The following CRB1 variants were observed in gnomAD, a reference collection of about 807,000 sequenced individuals.
CRB1 encodes the protein protein crumbs homolog 1.
CRB1 carries 83 observed loss-of-function variants against 120.0 expected under a neutral mutation model. The ratio of observed to expected loss-of-function variants is 0.69; its 90% confidence interval spans 0.58 to 0.83. CRB1 has a LOEUF of 0.83. Among genes scored for constraint, CRB1 ranks in the 40% least tolerant of loss-of-function variants. The pLI is 0.00. For missense variants in CRB1, 1,699 were observed against 1,687.6 expected (o/e 1.01, Z -0.12); for synonymous variants, 625 against 612.5 (o/e 1.02, Z -0.30).
rs1198989948 is a variant in CRB1, at chr1:197,328,799, G to A, written c.448G>A (p.Asp150Asn). ...TGGAAGATTCTGTGAGATAGATCAC[G>A]ATGAGTGTGCTTCCAGCCCTTGCCA... ...YAGRFCEIDH[D>N]ECASSPCQNG... The change falls in exon 2 of 12, where the codon GAT becomes AAT. Residue 150 changes from aspartate (D) to asparagine (N), a missense_variant. Coordinates refer to ENST00000367400, the MANE Select transcript of CRB1 (RefSeq NM_201253.3). 9.3e-6 allele frequency: 15 copies of A among 1,613,798 alleles called. No individual in the cohort carries two copies. Among genetic ancestry groups the A allele is most frequent in the African/African-American group, 4.0e-5 (3 of 74,930 alleles).
At chr1:197,255,494 A>T in the CRB1 span, among the ~76,000 whole-genome samples, 1 of 152,060 alleles carries the variant, frequency 6.6e-6, no homozygotes, top group Non-Finnish European at 1.5e-5. Flanking sequence ...AGCCATGGAA[A>T]ATATTTATCA....
At position 197,412,445 on chromosome 1, in the gene CRB1, C is replaced by T. The variant is rs192386949; in HGVS notation, c.1172-8555C>T. 4.6e-5 allele frequency among the ~76,000 whole-genome samples: 7 copies of T among 152,250 alleles called. No individual in the cohort carries two copies. In the East Asian group the frequency reaches 1.4e-3, roughly 29 times the overall value. ...GCTAATTTACCCAAGTTCTCATAGC[C>T]TAGTATCAAAGCTCCGATTAATATA... On this transcript the variant is annotated intron_variant, in intron 5 of 11. Transcript: ENST00000367400.
intron 11 of CRB1, among the ~76,000 whole-genome samples, chr1:197,458,814 C>T (rs956284863): frequency 6.6e-6 from 1 of 152,058 alleles, no homozygotes; most frequent in Non-Finnish European, 1.5e-5. Context: ...TATAATCTAG[C>T]TGTCAAGAAA....
intron 5 of CRB1, among the ~76,000 whole-genome samples, chr1:197,367,700 C>A (rs1189423734): frequency 1.3e-5 from 2 of 152,190 alleles, no homozygotes; most frequent in Admixed American, 6.5e-5. Context: ...CTTTCCCTCA[C>A]CAACTCCAAT....
At chr1:197,332,231 G>C (rs1558059892) in intron 2 of CRB1, among the ~76,000 whole-genome samples, 1 of 151,916 alleles carries the variant, frequency 6.6e-6, no homozygotes, top group Non-Finnish European at 1.5e-5. Context: ...TCCATCATAA[G>C]GCACTTCACC....
chr1:197,356,864 A>G lies in CRB1; in HGVS notation c.1022A>G (p.Asn341Ser), dbSNP rs773695938. The change falls in exon 5 of 12, where the codon AAT becomes AGT. Residue 341 changes from asparagine to serine, a missense_variant. By Grantham distance (46) the Asn-to-Ser change is conservative (BLOSUM62 1). Transcript: ENST00000367400. ...GGTGCCCAGTGTGAGATCGACCTCA[A>G]TGAATGCAATAGTAACCCCTGCCAG... ...YTGAQCEIDL[N>S]ECNSNPCQSN... 6.8e-6 allele frequency: 11 copies of G among 1,614,102 alleles called. No homozygotes were observed. The highest frequency in any genetic ancestry group is 9.3e-6 in the Non-Finnish European group (11 of 1,180,038).
chr1:197,287,642 C>CA (rs775617168), intron 1 of CRB1, among the ~76,000 whole-genome samples: 47 of 151,690 alleles, frequency 3.1e-4, no homozygotes, highest in Non-Finnish European at 7.4e-5. Flanking sequence ...AGTAACAAAG[C>CA]AAAATTTCCT....
intron 3 of CRB1, among the ~76,000 whole-genome samples, chr1:197,345,621 C>A (rs1189004165): frequency 6.7e-6 from 1 of 149,618 alleles, no homozygotes; most frequent in Admixed American, 6.7e-5. Flanking sequence ...AATTCTCCTG[C>A]CTCAGTCTCC....
At chr1:197,380,187 G>A (rs1245519355) in intron 5 of CRB1, among the ~76,000 whole-genome samples, 2 of 152,158 alleles carry the variant, frequency 1.3e-5, no homozygotes, top group African/African-American at 2.4e-5. Context: ...CAATAGTCTG[G>A]AATATTATCA....
intron 10 of CRB1, chr1:197,440,598 T>C (rs966670277): frequency 2.6e-5 from 4 of 152,218 alleles, no homozygotes; most frequent in Non-Finnish European, 4.4e-5. Flanking sequence ...AATACATGTG[T>C]ATCTATTGTT....
chr1:197,396,763 T>G (rs1662793088), intron 5 of CRB1, among the ~76,000 whole-genome samples: 1 of 152,182 alleles, frequency 6.6e-6, no homozygotes, highest in African/African-American at 2.4e-5. Flanking sequence ...GCAGCCATAT[T>G]GCAGGGAAAT....
At chr1:197,458,208 A>G (rs1666368976) in intron 11 of CRB1, among the ~76,000 whole-genome samples, 1 of 152,050 alleles carries the variant, frequency 6.6e-6, no homozygotes, top group Admixed American at 6.6e-5. Context: ...CCAAGGAAAA[A>G]TGGGTGGTAC....
rs765500601 is a variant in CRB1, at chr1:197,356,882, C to T, written c.1040C>T (p.Pro347Leu). The T allele has an allele frequency of 2.5e-6, 4 of 1,614,180 alleles. No homozygotes were observed. In the Admixed American group the frequency reaches 5.0e-5, roughly 20 times the overall value. The change falls in exon 5 of 12, where the codon CCC (proline) becomes CTC (leucine). Residue 347 changes from proline (P) to leucine (L), a missense_variant. Physicochemically the swap from Pro to Leu is moderately conservative, Grantham distance 98. Coordinates refer to ENST00000367400, the MANE Select transcript of CRB1 (RefSeq NM_201253.3). ...GACCTCAATGAATGCAATAGTAACC[C>T]CTGCCAGTCCAATGGGGAATGTGTG... Reference protein sequence around the residue: ...EIDLNECNSNPCQSNGECVEL... With the variant: ...EIDLNECNSNLCQSNGECVEL...
At chr1:197,415,880 G>A (rs1186327163) in intron 5 of CRB1, among the ~76,000 whole-genome samples, 1 of 151,966 alleles carries the variant, frequency 6.6e-6, no homozygotes, top group East Asian at 1.9e-4. Flanking sequence ...CTGATCTCGT[G>A]ATCCGCCCAC....
chr1:197,427,911 GGAATTCT>G lies in CRB1; in HGVS notation c.2587_2593del (p.Glu863PhefsTer17). 1 of 1,613,948 alleles carries G rather than the reference GGAATTCT, an allele frequency of 6.2e-7. No homozygotes were observed. The highest frequency in any genetic ancestry group is 8.5e-7 in the Non-Finnish European group (1 of 1,179,942). On this transcript the variant is annotated frameshift_variant, in exon 7 of 12. Transcript: ENST00000367400. LOFTEE classifies it high-confidence loss of function. ...ATGTAAGACTAAACAACCAAAATCT[GGAATTCT>G]TTCCAAATCCAACAAACAATGCATC... is the stretch of plus-strand genomic sequence containing the variant.
intron 5 of CRB1, among the ~76,000 whole-genome samples, chr1:197,402,557 A>G (rs1206004018): frequency 1.3e-5 from 2 of 152,204 alleles, no homozygotes; most frequent in South Asian, 2.1e-4. Flanking sequence ...TTATTCAACA[A>G]GAAAAATAGG....
At chr1:197,361,581 T>C (rs967867838) in intron 5 of CRB1, among the ~76,000 whole-genome samples, 2 of 152,076 alleles carry the variant, frequency 1.3e-5, no homozygotes, top group African/African-American at 4.8e-5. Context: ...GATCGGATCT[T>C]CTATATTGCT....
chr1:197,473,682 G>A (rs1667078585), intron 11 of CRB1, among the ~76,000 whole-genome samples: 1 of 151,626 alleles, frequency 6.6e-6, no homozygotes, highest in Admixed American at 6.6e-5. Context: ...TTCAGGAAAA[G>A]GTTATTCAAA....
At chr1:197,442,072 T>G in intron 10 of CRB1, 94 bp from the exon 11 acceptor site, 1 of 1,424,608 alleles carries the variant, frequency 7.0e-7, no homozygotes, top group Non-Finnish European at 9.9e-7. Flanking sequence ...AAGACTGTGC[T>G]GTTCCAGAGA....
Sources: gnomAD v4.1 joint callset for allele counts (sites outside exome capture counted in the v4.1 genomes callset) on GRCh38, gnomAD v4.1.1 for gene constraint, MANE v1.5 for transcripts, NCBI Gene and HGNC (gene_info 2026-07-23, HGNC 2026-07-21) for gene names.